The following ITSN1 variants were observed in gnomAD, a reference collection of about 807,000 sequenced individuals.
ITSN1 encodes the protein intersectin 1.
Under a neutral mutation model 239.8 loss-of-function variants are expected in ITSN1, and 58 were observed. The observed-to-expected ratio is 0.24, with a 90% CI of 0.20 to 0.30. ITSN1 has a LOEUF of 0.30. Ranked by LOEUF, ITSN1 falls within the 10% of genes least tolerant of loss-of-function variation. The probability of loss-of-function intolerance (pLI) is 1.00; values close to 1 mark genes in which losing one functional copy is unlikely to be tolerated. For synonymous variants in ITSN1, 780 were observed against 770.8 expected, an observed-to-expected ratio of 1.01 and a Z score of -0.20; for missense variants, 1,558 against 2,103.3, an observed-to-expected ratio of 0.74 and a Z score of 5.07.
intron 1 of ITSN1, among the ~76,000 whole-genome samples, chr21:33,694,488 T>C (rs2091703204): frequency 6.6e-6 from 1 of 152,256 alleles, no homozygotes; most frequent in Non-Finnish European, 1.5e-5. Flanking sequence ...GTTTTGTTAT[T>C]GGGTAAAATG....
chr21:33,865,029 T>A lies in ITSN1; in HGVS notation c.3891-122T>A. On this transcript the variant is annotated intron_variant, in intron 31 of 39. Coordinates refer to ENST00000381318, the MANE Select transcript of ITSN1 (RefSeq NM_003024.3). This position sits in a 1 kb window ranked among gnomAD's most constrained non-coding sequence, Gnocchi z 4.4. ...CTCCATTCCTTGTCTCCCAAATAGA[T>A]CCTTTAGTGGCCCTTAAGGCTGTGC... is the stretch of plus-strand genomic sequence containing the variant. 1 of 842,572 alleles carries A rather than the reference T, an allele frequency of 1.2e-6. No homozygotes were observed. Among genetic ancestry groups the A allele is most frequent in the Non-Finnish European group, 1.8e-6 (1 of 564,264 alleles). The allele number at this position is 842,572 out of a possible 1,614,324, so 52.2% of individuals were successfully genotyped here.
chr21:33,855,582 A>T (rs1979174802), intron 29 of ITSN1, among the ~76,000 whole-genome samples: 1 of 152,256 alleles, frequency 6.6e-6, no homozygotes, highest in Non-Finnish European at 1.5e-5. Context: ...CCAAGAACCA[A>T]GCCTCCCTCC....
rs1361829141 is a variant in ITSN1 at position 33,898,003 on chromosome 21, C to G, written c.*9703C>G. 1 of 152,050 alleles carries G rather than the reference C, an allele frequency of 6.6e-6. No individual in the cohort carries two copies. Among genetic ancestry groups the G allele is most frequent in the East Asian group, 1.9e-4 (1 of 5,198 alleles). The allele number at this position is 152,050 out of a possible 1,614,324, so 9.4% of individuals were successfully genotyped here. On this transcript the variant is annotated 3_prime_UTR_variant, in exon 40 of 40. Coordinates refer to ENST00000381318, the MANE Select transcript of ITSN1 (RefSeq NM_003024.3). ...CCTGTAGCTATGACCTCGCATGGGA[C>G]CTTGGTGTTGCATTAAAAATGGATT...
At chr21:33,729,243 G>T (rs2066015765) in intron 4 of ITSN1, among the ~76,000 whole-genome samples, 1 of 152,062 alleles carries the variant, frequency 6.6e-6, no homozygotes, top group Non-Finnish European at 1.5e-5. Flanking sequence ...TTGAGCCCAG[G>T]AGTTTGAGAC....
chr21:33,876,205 T>C, intron 34 of ITSN1, among the ~76,000 whole-genome samples: 1 of 75,298 alleles, frequency 1.3e-5, no homozygotes, highest in African/African-American at 1.8e-4. Flanking sequence ...TTCTCCTTCC[T>C]TCCTCTCTTC....
intron 1 of ITSN1, among the ~76,000 whole-genome samples, chr21:33,698,414 T>A (rs1601702326): frequency 6.6e-6 from 1 of 152,194 alleles, no homozygotes; most frequent in East Asian, 1.9e-4. Flanking sequence ...ACAACTTGAG[T>A]GATCATGATA....
rs1985045704 is a variant in ITSN1, at chr21:33,882,161, G to A, written c.4342-82G>A. ...TGAGATCCGAGTCTGCTGGGGCCTG[G>A]CCTCTGATTCTGATGGAGCCCATGC... On this transcript the variant is annotated intron_variant, in intron 34 of 39. Transcript: ENST00000381318. The surrounding 1 kb of genome is among the most constrained non-coding windows in gnomAD (Gnocchi z 4.5). 1 of 1,210,194 alleles carries A rather than the reference G, an allele frequency of 8.3e-7. No individual in the cohort carries two copies. Among genetic ancestry groups the A allele is most frequent in the African/African-American group, 1.5e-5 (1 of 66,478 alleles). 75.0% of individuals were successfully genotyped at this position (1,210,194 alleles called of 1,614,324 possible).
chr21:33,881,648 G>A (rs1409886753), intron 34 of ITSN1, among the ~76,000 whole-genome samples: 2 of 151,958 alleles, frequency 1.3e-5, no homozygotes, highest in Non-Finnish European at 2.9e-5. Flanking sequence ...GAGCCAGGTG[G>A]GCACTTTTCT....
At chr21:33,662,291 A>G (rs966334117) in intron 1 of ITSN1, among the ~76,000 whole-genome samples, 2 of 152,102 alleles carry the variant, frequency 1.3e-5, no homozygotes, top group African/African-American at 4.8e-5. Context: ...TCCAGCACTG[A>G]ACTTTTGGCT....
chr21:33,707,279 A>G (rs2146907870), intron 1 of ITSN1, among the ~76,000 whole-genome samples: 1 of 152,016 alleles, frequency 6.6e-6, no homozygotes, highest in East Asian at 1.9e-4. Context: ...CTTATTTTTT[A>G]TGTTTTTTCA....
chr21:33,748,679 C>T lies in ITSN1; in HGVS notation c.347-1464C>T, dbSNP rs114054127. 6.6e-3 allele frequency among the ~76,000 whole-genome samples: 988 copies of T among 150,058 alleles called. 7 individuals carry two copies. The highest frequency in any genetic ancestry group is 0.023 in the African/African-American group (933 of 40,202). On this transcript the variant is annotated intron_variant, in intron 5 of 39. Coordinates refer to ENST00000381318, the MANE Select transcript of ITSN1 (RefSeq NM_003024.3). The stretch of plus-strand genomic sequence containing the variant: ...ACATAGTAAGACCTCATCTCTACCG[C>T]CCCACCAAAAAAAAAAATACACGTA...
chr21:33,880,574 C>T (rs1448448352), intron 34 of ITSN1, among the ~76,000 whole-genome samples: 1 of 152,134 alleles, frequency 6.6e-6, no homozygotes, highest in African/African-American at 2.4e-5. Context: ...GTGCAGTGGC[C>T]CCTTTCCAGC....
intron 1 of ITSN1, among the ~76,000 whole-genome samples, chr21:33,667,153 CTT>C (rs1304984198): frequency 1.3e-5 from 2 of 150,544 alleles, no homozygotes; most frequent in African/African-American, 2.4e-5. Context: ...TTTTTAAACT[CTT>C]TTTCTCCACA....
rs1986970567 is a variant in ITSN1 at position 33,899,391 on chromosome 21, T to C, written c.*11091T>C. 1 of 152,226 alleles carries C rather than the reference T, an allele frequency of 6.6e-6. No individual in the cohort carries two copies. The highest frequency in any genetic ancestry group is 2.4e-5 in the African/African-American group (1 of 41,466). The allele number at this position is 152,226 out of a possible 1,614,324, so 9.4% of individuals were successfully genotyped here. Reference sequence around the variant, plus strand: ...AGGACCAGGCCCGCCCCTTGATGGATGTGCTGTTGATTGTAATATACTTCT... The same window carrying C: ...AGGACCAGGCCCGCCCCTTGATGGACGTGCTGTTGATTGTAATATACTTCT... On this transcript the variant is annotated 3_prime_UTR_variant, in exon 40 of 40. Transcript: ENST00000381318.
intron 1 of ITSN1, among the ~76,000 whole-genome samples, chr21:33,666,083 C>T (rs1366209587): frequency 3.3e-5 from 5 of 152,216 alleles, no homozygotes; most frequent in African/African-American, 9.6e-5. Flanking sequence ...TGCCCACTGT[C>T]GTGCCCAGCT....
rs139020759 is a variant in ITSN1 at position 33,877,313 on chromosome 21, C to T, written c.4341+1792C>T. ...AGAAGATCCACCTGCCTCAGCCTCC[C>T]AAAGTGCTGGGATTACAGGCGTGAT... is the stretch of plus-strand genomic sequence containing the variant. On this transcript the variant is annotated intron_variant, in intron 34 of 39. Coordinates refer to ENST00000381318, the MANE Select transcript of ITSN1 (RefSeq NM_003024.3). Among the ~76,000 whole-genome samples the T allele has an allele frequency of 4.6e-5, 7 of 152,202 alleles. No individual in the cohort carries two copies. In the East Asian group the frequency reaches 1.4e-3, roughly 29 times the overall value.
rs1373350401 is a variant in ITSN1 at position 33,892,524 on chromosome 21, T to A, written c.*4224T>A. On this transcript the variant is annotated 3_prime_UTR_variant, in exon 40 of 40. Coordinates refer to ENST00000381318, the MANE Select transcript of ITSN1 (RefSeq NM_003024.3). ...ATGACCCAGAAGATGAATCCATTTC[T>A]GGGAAGGCTGAGCTCAGATGAGGAT... 1.3e-5 allele frequency: 2 copies of A among 152,220 alleles called. No homozygotes were observed. Among genetic ancestry groups the A allele is most frequent in the African/African-American group, 4.8e-5 (2 of 41,448 alleles). The allele number at this position is 152,220 out of a possible 1,614,324, so 9.4% of individuals were successfully genotyped here. A position where few individuals can be genotyped will look rare whatever the true frequency, so the allele number is the denominator to read the frequency against.
chr21:33,714,054 T>C (rs1430694478), intron 1 of ITSN1, among the ~76,000 whole-genome samples: 1 of 151,978 alleles, frequency 6.6e-6, no homozygotes, highest in Non-Finnish European at 1.5e-5. Context: ...ATGGTCTCCA[T>C]CTCTTGACCT....
chr21:33,760,013 G>C (rs531201031), intron 8 of ITSN1, among the ~76,000 whole-genome samples: 1 of 152,026 alleles, frequency 6.6e-6, no homozygotes, highest in East Asian at 1.9e-4. Context: ...TGAGGCAGAA[G>C]AATCATTGAA....
Sources: allele counts gnomAD v4.1 joint callset (sites outside exome capture counted in the v4.1 genomes callset), GRCh38; gene constraint gnomAD v4.1.1; non-coding constraint Gnocchi (gnomAD v3.1); transcripts MANE v1.5; gene names NCBI Gene and HGNC (gene_info 2026-07-23, HGNC 2026-07-21).